FILIP1L: variants seen among roughly 807,000 people sequenced by gnomAD.
FILIP1L encodes the protein filamin A-interacting protein 1-like.
A neutral mutation model predicts 96.6 loss-of-function variants in FILIP1L; 55 were observed. The observed-to-expected ratio is 0.57, with a 90% CI of 0.46 to 0.71. The LOEUF (loss-of-function observed/expected upper bound fraction) is 0.71. FILIP1L is among the 30% of genes least tolerant of loss of function. The probability of loss-of-function intolerance (pLI) is 0.00; values close to 1 mark genes in which losing one functional copy is unlikely to be tolerated. For missense variants in FILIP1L, 1,304 were observed against 1,321.2 expected (o/e 0.99, Z 0.20); for synonymous variants, 467 against 473.9 (o/e 0.99, Z 0.19).
At chr3:100,015,822 G>A (rs542841724) in intron 1 of FILIP1L, among the ~76,000 whole-genome samples, 45 of 152,316 alleles carry the variant, frequency 3.0e-4, no homozygotes, top group African/African-American at 1.0e-3. Flanking sequence ...ACTACTGAAT[G>A]TAAAATAATC....
chr3:100,020,698 C>T (rs940719812), intron 1 of FILIP1L, among the ~76,000 whole-genome samples: 2 of 148,610 alleles, frequency 1.3e-5, no homozygotes, highest in African/African-American at 2.5e-5. Flanking sequence ...AATTGCAAAG[C>T]GAGTATACAT....
chr3:100,098,723 A>G (rs1215393982), intron 1 of FILIP1L, among the ~76,000 whole-genome samples: 1 of 152,182 alleles, frequency 6.6e-6, no homozygotes, highest in Non-Finnish European at 1.5e-5. Flanking sequence ...GTTGAATGTC[A>G]TTGCCGTATA....
chr3:99,975,114 C>A (rs1708931000), intron 1 of FILIP1L, among the ~76,000 whole-genome samples: 1 of 152,316 alleles, frequency 6.6e-6, no homozygotes, highest in South Asian at 2.1e-4. Flanking sequence ...CAGTGAAGTA[C>A]CTTTCACCTA....
chr3:99,899,710 T>C (rs1218027485), intron 4 of FILIP1L, among the ~76,000 whole-genome samples: 2 of 152,226 alleles, frequency 1.3e-5, no homozygotes, highest in Admixed American at 1.3e-4. Context: ...GATTCCATTA[T>C]GGTCCACCTT....
At chr3:100,025,225 A>T (rs1243659395) in intron 1 of FILIP1L, among the ~76,000 whole-genome samples, 1 of 152,170 alleles carries the variant, frequency 6.6e-6, no homozygotes, top group Non-Finnish European at 1.5e-5. Flanking sequence ...TCTTGCCACT[A>T]CACAGCCCCA....
chr3:100,001,775 T>G (rs1709849030), intron 1 of FILIP1L, among the ~76,000 whole-genome samples: 1 of 152,216 alleles, frequency 6.6e-6, no homozygotes, highest in Non-Finnish European at 1.5e-5. Flanking sequence ...GTCTGCCAAG[T>G]CTTTGCTGCC....
At chr3:99,985,593 G>A (rs1277356095) in intron 1 of FILIP1L, among the ~76,000 whole-genome samples, 1 of 149,684 alleles carries the variant, frequency 6.7e-6, no homozygotes, top group Non-Finnish European at 1.5e-5. Flanking sequence ...CATGAGAAAA[G>A]CTTTTTTTTT....
At chr3:99,920,543 G>A (rs1251544314) in intron 4 of FILIP1L, among the ~76,000 whole-genome samples, 21 of 152,164 alleles carry the variant, frequency 1.4e-4, no homozygotes, top group Admixed American at 1.3e-3. Flanking sequence ...GTCAGTGAAC[G>A]TTGTCATGAA....
At chr3:100,000,664 A>C (rs1273959373) in intron 1 of FILIP1L, among the ~76,000 whole-genome samples, 2 of 152,200 alleles carry the variant, frequency 1.3e-5, no homozygotes, top group African/African-American at 2.4e-5. Context: ...AGAGTGAGCT[A>C]TGATTGTGCT....
At chr3:99,862,208 T>G (rs1429569751) in intron 4 of FILIP1L, among the ~76,000 whole-genome samples, 10 of 152,186 alleles carry the variant, frequency 6.6e-5, no homozygotes, top group Admixed American at 6.5e-4. Context: ...GTTTTAATTT[T>G]CATTTAAAAA....
chr3:99,911,101 G>A (rs966940850), intron 4 of FILIP1L, among the ~76,000 whole-genome samples: 5 of 152,106 alleles, frequency 3.3e-5, no homozygotes, highest in African/African-American at 9.6e-5. Flanking sequence ...ATTAGGTAGC[G>A]CATTACACAC....
chr3:99,918,750 A>C (rs768825948), intron 4 of FILIP1L, among the ~76,000 whole-genome samples: 10 of 152,214 alleles, frequency 6.6e-5, no homozygotes, highest in Non-Finnish European at 1.5e-4. Context: ...TGTTAGGTCC[A>C]GCATGTATGA....
chr3:99,854,576 G>A (rs909656053), intron 4 of FILIP1L, among the ~76,000 whole-genome samples: 1 of 151,996 alleles, frequency 6.6e-6, no homozygotes, highest in African/African-American at 2.4e-5. Context: ...TGATATTTGG[G>A]GCCAGATAAT....
intron 1 of FILIP1L, among the ~76,000 whole-genome samples, chr3:100,015,528 T>G (rs1416529942): frequency 6.6e-6 from 1 of 152,244 alleles, no homozygotes; most frequent in Non-Finnish European, 1.5e-5. Flanking sequence ...AGGATATCTT[T>G]CCATTTATTT....
chr3:99,867,866 G>A (rs1476974497), intron 4 of FILIP1L, among the ~76,000 whole-genome samples: 2 of 152,150 alleles, frequency 1.3e-5, no homozygotes, highest in African/African-American at 4.8e-5. Flanking sequence ...TGAGTCTGTT[G>A]TAGTTCACAA....
intron 1 of FILIP1L, among the ~76,000 whole-genome samples, chr3:99,959,775 T>C (rs1381910115): frequency 1.1e-4 from 16 of 152,188 alleles, no homozygotes; most frequent in Non-Finnish European, 2.9e-5. Context: ...GATAATTGTA[T>C]AGAAAACAAT....
At chr3:99,972,555 A>G (rs1007845832) in intron 1 of FILIP1L, among the ~76,000 whole-genome samples, 3 of 152,148 alleles carry the variant, frequency 2.0e-5, no homozygotes, top group African/African-American at 7.2e-5. Flanking sequence ...GCTGCTGGGC[A>G]CAGCTGCTCC....
At chr3:99,991,876 A>G (rs1285640431) in intron 1 of FILIP1L, among the ~76,000 whole-genome samples, 1 of 149,940 alleles carries the variant, frequency 6.7e-6, no homozygotes, top group Non-Finnish European at 1.5e-5. Context: ...ATATATACAC[A>G]CATATATGTA....
At chr3:99,892,854 C>T (rs1435457767) in intron 4 of FILIP1L, among the ~76,000 whole-genome samples, 1 of 152,164 alleles carries the variant, frequency 6.6e-6, no homozygotes, top group African/African-American at 2.4e-5. Context: ...AAGTTCATGT[C>T]GATCATGTGG....
Sources: allele counts gnomAD v4.1 joint callset (sites outside exome capture counted in the v4.1 genomes callset), GRCh38; gene constraint gnomAD v4.1.1; transcripts MANE v1.5; gene names NCBI Gene and HGNC (gene_info 2026-07-23, HGNC 2026-07-21).